Variants in CR2 observed in about 807,000 individuals in gnomAD.
The protein encoded by CR2 is complement C3d receptor 2.
CR2 carries 96 observed loss-of-function variants against 123.0 expected under a neutral mutation model. That is an observed-to-expected ratio of 0.78 (90% CI 0.66 to 0.93). CR2 has a LOEUF of 0.93. CR2 is among the 40% of genes least tolerant of loss of function. The probability of loss-of-function intolerance (pLI) is 0.00; values close to 1 mark genes in which losing one functional copy is unlikely to be tolerated. For synonymous variants in CR2, 484 were observed against 469.5 expected (o/e 1.03, Z -0.40); for missense variants, 1,258 against 1,361.0 (o/e 0.92, Z 1.19).
At chr1:207,475,862 G>A (rs575857518) in intron 14 of CR2, among the ~76,000 whole-genome samples, 3 of 152,262 alleles carry the variant, frequency 2.0e-5, no homozygotes, top group African/African-American at 4.8e-5. Flanking sequence ...AGAAGGACAG[G>A]GGCTCTCTGA....
In CR2 at chr1:207,468,724, A is replaced by G. The variant is rs950554487; in HGVS notation, c.634+9A>G. ...CCCCCCCACATGTGAAGGTACCCTA[A>G]ATTTACAATCTATTTTAAGAATCTG... is the stretch of plus-strand genomic sequence containing the variant. On this transcript the variant is annotated intron_variant, in intron 3 of 19. Coordinates refer to ENST00000367057, the MANE Select transcript of CR2 (RefSeq NM_001006658.3). 1.9e-6 allele frequency: 3 copies of G among 1,613,936 alleles called. No homozygotes were observed. The highest frequency in any genetic ancestry group is 2.5e-6 in the Non-Finnish European group (3 of 1,179,884).
chr1:207,460,481 C>T (rs1274106241), intron 1 of CR2, among the ~76,000 whole-genome samples: 1 of 152,114 alleles, frequency 6.6e-6, no homozygotes, highest in East Asian at 1.9e-4. Flanking sequence ...TCACCCGTAC[C>T]TGTCTCAGAC....
Position 207,476,341 on chromosome 1 carries a change from G to A in CR2, c.2824G>A (p.Gly942Ser). 6.2e-7 allele frequency: 1 copy of A among 1,613,956 alleles called. No individual in the cohort carries two copies. Among genetic ancestry groups the A allele is most frequent in the Non-Finnish European group, 8.5e-7 (1 of 1,179,890 alleles). Residue 942 changes from glycine (G) to serine (S), a missense_variant, in exon 15 of 20, where the codon GGC becomes AGC. Transcript: ENST00000367057. ...GTCAATCCTGTACAGCTGTGACCAA[G>A]GCTACCTGCTGGTGGGAGAGGCACT... The part of the protein sequence containing the change: ...GMSILYSCDQ[G>S]YLLVGEALLL...
intron 18 of CR2, among the ~76,000 whole-genome samples, chr1:207,480,632 TA>T (rs1288076129): frequency 3.3e-5 from 5 of 152,162 alleles, no homozygotes; most frequent in Non-Finnish European, 7.4e-5. Flanking sequence ...CTAGAATTAC[TA>T]AAGATAAGTG....
Position 207,471,441 on chromosome 1 carries a change from T to G in CR2, c.1512T>G (p.Ser504Arg). 3.1e-6 allele frequency: 5 copies of G among 1,612,526 alleles called. No individual in the cohort carries two copies. The highest frequency in any genetic ancestry group is 4.2e-6 in the Non-Finnish European group (5 of 1,178,886). ...SCGEGYKLSGSVYQECQGTIP... is the reference protein window; with the variant it reads ...SCGEGYKLSGRVYQECQGTIP... ...TCTCTAGGTACAAGTTAAGTGGGAG[T>G]GTTTATCAGGAGTGTCAAGGCACAA... Residue 504 changes from serine to arginine, a missense_variant, in exon 9 of 20, where the codon AGT (serine) becomes AGG (arginine). By Grantham distance (110) the Ser-to-Arg change is moderately radical (BLOSUM62 -1). Transcript: ENST00000367057.
At chr1:207,470,595 C>G (rs1234056032) in intron 6 of CR2, 145 bp from the exon 7 acceptor site, 1 of 767,454 alleles carries the variant, frequency 1.3e-6, no homozygotes, top group African/African-American at 1.7e-5. Context: ...CTAAAATTAC[C>G]CAAAGCTGGT....
chr1:207,475,907 C>T (rs1658422846), intron 14 of CR2, among the ~76,000 whole-genome samples: 2 of 152,076 alleles, frequency 1.3e-5, no homozygotes, highest in South Asian at 4.2e-4. Flanking sequence ...TCCTAGCTCT[C>T]GTAGACATTT....
At chr1:207,471,369 G>A in intron 8 of CR2, 54 bp from the exon 9 acceptor site, 2 of 1,364,658 alleles carry the variant, frequency 1.5e-6, no homozygotes, top group Non-Finnish European at 2.1e-6. Flanking sequence ...CATGGCTCTT[G>A]CCTAACTTAA....
intron 1 of CR2, among the ~76,000 whole-genome samples, chr1:207,456,005 A>T (rs1657825087): frequency 1.3e-5 from 2 of 152,214 alleles, no homozygotes; most frequent in South Asian, 4.1e-4. Context: ...GGTTCTTATG[A>T]TTGGAAAGGT....
chr1:207,485,231 A>G (rs906143558), intron 18 of CR2, among the ~76,000 whole-genome samples: 1 of 152,194 alleles, frequency 6.6e-6, no homozygotes, highest in African/African-American at 2.4e-5. Flanking sequence ...AGAAATACCT[A>G]ATGTAGATGA....
chr1:207,466,611 G>T lies in CR2; in HGVS notation c.144G>T (p.Arg48Ser), dbSNP rs1179810689. The part of the protein sequence containing the change: ...STPIAVGTVI[R>S]YSCSGTFRLI... ...CCATTGCTGTTGGTACCGTGATAAG[G>T]TACAGTTGTTCAGGTACCTTCCGCC... The change falls in exon 2 of 20, where the codon AGG becomes AGT. Residue 48 changes from arginine (R) to serine (S), a missense_variant. Physicochemically the swap from Arg to Ser is moderately radical, Grantham distance 110. Transcript: ENST00000367057. 1 of 1,613,916 alleles carries T rather than the reference G, an allele frequency of 6.2e-7. No homozygotes were observed. The highest frequency in any genetic ancestry group is 8.5e-7 in the Non-Finnish European group (1 of 1,179,994).
At position 207,468,782 on chromosome 1, in the gene CR2, C is replaced by G; in HGVS notation, c.635-18C>G. The stretch of plus-strand genomic sequence containing the variant: ...CTGTTATTTGCCATGCATTTCTCAT[C>G]TTTGGTTTGTTTTTTAGAGGCACGC... On this transcript the variant is annotated intron_variant, in intron 3 of 19. Coordinates refer to ENST00000367057, the MANE Select transcript of CR2 (RefSeq NM_001006658.3). 1 of 1,613,894 alleles carries G rather than the reference C, an allele frequency of 6.2e-7. No individual in the cohort carries two copies. Among genetic ancestry groups the G allele is most frequent in the Non-Finnish European group, 8.5e-7 (1 of 1,179,852 alleles).
intron 1 of CR2, among the ~76,000 whole-genome samples, chr1:207,459,599 T>C (rs542133873): frequency 1.2e-4 from 19 of 152,324 alleles, no homozygotes; most frequent in African/African-American, 4.3e-4. Context: ...TATATCTCTG[T>C]TCATTTAACT....
At position 207,480,054 on chromosome 1, in the gene CR2, G is replaced by A. The variant is rs892607716; in HGVS notation, c.3188+1G>A. On this transcript the variant is annotated splice_donor_variant, in intron 18 of 19. Transcript: ENST00000367057. LOFTEE classifies it high-confidence loss of function. ...ACGTGATATCAAAACACAGAGCACG[G>A]TAAGTTCAAAGGCGAATACTTGATT... 1.2e-6 allele frequency: 2 copies of A among 1,607,628 alleles called. No individual in the cohort carries two copies. Among genetic ancestry groups the A allele is most frequent in the African/African-American group, 1.3e-5 (1 of 74,680 alleles).
At chr1:207,455,554 G>T (rs1010259617) in intron 1 of CR2, among the ~76,000 whole-genome samples, 1 of 152,198 alleles carries the variant, frequency 6.6e-6, no homozygotes, top group East Asian at 1.9e-4. Flanking sequence ...GCTTATTGAG[G>T]TGTCTGGAAT....
At position 207,471,875 on chromosome 1, in the gene CR2, T is replaced by C. The variant is rs556685014; in HGVS notation, c.1570+376T>C. 2.2e-5 allele frequency: 7 copies of C among 311,976 alleles called. No individual in the cohort carries two copies. The East Asian group carries it at 4.9e-4, about 22-fold the overall frequency. 19.3% of individuals were successfully genotyped at this position (311,976 alleles called of 1,614,324 possible). On this transcript the variant is annotated intron_variant, in intron 9 of 19. Transcript: ENST00000367057. ...CTAGTGTGAGACCTTGGACCACTTG[T>C]ACAACTCCTCTGAAACTCTAGCCTT...
In CR2 at chr1:207,468,644, T is replaced by C; in HGVS notation, c.563T>C (p.Leu188Ser). The C allele has an allele frequency of 6.2e-7, 1 of 1,614,084 alleles. No homozygotes were observed. Among genetic ancestry groups the C allele is most frequent in the Middle Eastern group, 1.6e-4 (1 of 6,062 alleles). The change falls in exon 3 of 20, where the codon TTG becomes TCG. Residue 188 changes from leucine (L) to serine (S), a missense_variant. Transcript: ENST00000367057. ...SVTYSCESGY[L>S]LVGEKIINCL... ...ACTTACAGCTGTGAATCTGGTTACTTGCTTGTTGGAGAAAAGATCATTAAC... is the reference window on the plus strand; with the variant it reads ...ACTTACAGCTGTGAATCTGGTTACTCGCTTGTTGGAGAAAAGATCATTAAC...
At chr1:207,473,757 A>G (rs1425863956) in intron 11 of CR2, 36 bp downstream of exon 11, 3 of 1,613,748 alleles carry the variant, frequency 1.9e-6, no homozygotes, top group Non-Finnish European at 2.5e-6. Context: ...TCTCTTTGAT[A>G]TGAGACATCT....
rs757174881 is a variant in CR2 at position 207,473,628 on chromosome 1, T to C, written c.2062T>C (p.Tyr688His). 8.1e-6 allele frequency: 13 copies of C among 1,613,930 alleles called. No individual in the cohort carries two copies. In the Admixed American group the frequency reaches 8.3e-5, roughly 10 times the overall value. The change falls in exon 11 of 20, where the codon TAC (tyrosine) becomes CAC (histidine). Residue 688 changes from tyrosine to histidine, a missense_variant. Physicochemically the swap from Tyr to His is moderately conservative, Grantham distance 83 (BLOSUM62 2). Coordinates refer to ENST00000367057, the MANE Select transcript of CR2 (RefSeq NM_001006658.3). Reference sequence around the variant, plus strand: ...CTTTGTCTCTGGGATGACTGTAGACTACACTTGTGACCCTGGCTATTTGCT... The same window carrying C: ...CTTTGTCTCTGGGATGACTGTAGACCACACTTGTGACCCTGGCTATTTGCT... ...VFFVSGMTVD[Y>H]TCDPGYLLVG...
Sources: allele counts gnomAD v4.1 joint callset (sites outside exome capture counted in the v4.1 genomes callset), GRCh38; gene constraint gnomAD v4.1.1; transcripts MANE v1.5; gene names NCBI Gene and HGNC (gene_info 2026-07-23, HGNC 2026-07-21).